The following TSPAN33 variants were observed in gnomAD, a reference collection of about 807,000 sequenced individuals.
The protein encoded by TSPAN33 is tetraspanin-33.
Under a neutral mutation model 34.8 loss-of-function variants are expected in TSPAN33, and 27 were observed. That is an observed-to-expected ratio of 0.78 (90% CI 0.57 to 1.07). TSPAN33 has a LOEUF of 1.07. Ranked by LOEUF, TSPAN33 falls within the 50% of genes least tolerant of loss-of-function variation. The pLI, the probability that TSPAN33 is intolerant of heterozygous loss-of-function variation, is 0.00. For synonymous variants in TSPAN33, 119 were observed against 124.2 expected (o/e 0.96, Z 0.28); for missense variants, 272 against 324.9 (o/e 0.84, Z 1.25).
At position 129,167,003 on chromosome 7, in the gene TSPAN33, A is replaced by C; in HGVS notation, c.588+97A>C. 2 of 1,430,328 alleles carry C rather than the reference A, an allele frequency of 1.4e-6. No individual in the cohort carries two copies. Among genetic ancestry groups the C allele is most frequent in the South Asian group, 2.6e-5 (2 of 76,382 alleles). The allele number at this position is 1,430,328 out of a possible 1,614,324, so 88.6% of individuals were successfully genotyped here. ...CTGGGGATCCCCATCCCCTAGCTTC[A>C]CCGATCAGTCATGTGGGACAGCTGT... On this transcript the variant is annotated intron_variant, in intron 6 of 7. Transcript: ENST00000486685. The surrounding 1 kb of genome is among the most constrained non-coding windows in gnomAD (Gnocchi z 4.6).
chr7:129,163,118 T>C (rs1367523953), intron 4 of TSPAN33, among the ~76,000 whole-genome samples: 1 of 152,206 alleles, frequency 6.6e-6, no homozygotes, highest in East Asian at 1.9e-4. Context: ...TCTGACAGTC[T>C]GAGAAGCTAA....
Position 129,167,885 on chromosome 7 carries a change from T to G in TSPAN33, c.*11T>G. ...GACCCATGGTACTGAGAATCCATCC[T>G]GCACCTCCTCACCATGGAAACTGGC... On this transcript the variant is annotated 3_prime_UTR_variant, in exon 8 of 8. Transcript: ENST00000486685. The surrounding 1 kb of genome is among the most constrained non-coding windows in gnomAD (Gnocchi z 4.6). 1 of 1,613,458 alleles carries G rather than the reference T, an allele frequency of 6.2e-7. No homozygotes were observed. Among genetic ancestry groups the G allele is most frequent in the Non-Finnish European group, 8.5e-7 (1 of 1,179,798 alleles).
At chr7:129,161,765 C>G (rs545296868) in intron 2 of TSPAN33, 29 bp downstream of exon 2, 4 of 1,613,662 alleles carry the variant, frequency 2.5e-6, no homozygotes, top group African/African-American at 1.3e-5. Flanking sequence ...TCCCTGCCCC[C>G]ACCTTGTGCC....
rs557328153 is a variant in TSPAN33 at position 129,167,056 on chromosome 7, T to G, written c.588+150T>G. On this transcript the variant is annotated intron_variant, in intron 6 of 7. Transcript: ENST00000486685. The surrounding 1 kb of genome is among the most constrained non-coding windows in gnomAD (Gnocchi z 4.6). The stretch of plus-strand genomic sequence containing the variant: ...GGTGTTTTTCTTCACCCCAACCTGA[T>G]GCTTCTATTAACCTCATACTCATGT... 250 of 939,570 alleles carry G rather than the reference T, an allele frequency of 2.7e-4. No individual in the cohort carries two copies. The highest frequency in any genetic ancestry group is 3.6e-4 in the Non-Finnish European group (221 of 621,546). The allele number at this position is 939,570 out of a possible 1,614,324, so 58.2% of individuals were successfully genotyped here.
intron 2 of TSPAN33, 104 bp downstream of exon 2, chr7:129,161,840 G>A: frequency 6.9e-7 from 1 of 1,457,786 alleles, no homozygotes. Flanking sequence ...GCTAAAGGAG[G>A]CAGCCTCCCT....
At position 129,169,372 on chromosome 7, in the gene TSPAN33, C is replaced by T. The variant is rs1240757711; in HGVS notation, c.*1498C>T. 1.3e-5 allele frequency: 2 copies of T among 152,288 alleles called. No individual in the cohort carries two copies. Among genetic ancestry groups the T allele is most frequent in the South Asian group, 2.1e-4 (1 of 4,832 alleles). 9.4% of individuals were successfully genotyped at this position (152,288 alleles called of 1,614,324 possible). ...GGGTGGTCCCCGCCCCCGCGGCGGCCTAGGCCCGCGCCTGCGTCCCCCAAC... is the reference window on the plus strand; with the variant it reads ...GGGTGGTCCCCGCCCCCGCGGCGGCTTAGGCCCGCGCCTGCGTCCCCCAAC... On this transcript the variant is annotated 3_prime_UTR_variant, in exon 8 of 8. Transcript: ENST00000486685.
chr7:129,158,874 C>G (rs536536777), intron 1 of TSPAN33, among the ~76,000 whole-genome samples: 19 of 152,156 alleles, frequency 1.2e-4, no homozygotes, highest in African/African-American at 4.3e-4. Context: ...CCTCAGCCTC[C>G]TAAGTAGCTG....
intron 4 of TSPAN33, 145 bp downstream of exon 4, chr7:129,163,052 A>G (rs112105360): frequency 1.2e-5 from 8 of 695,304 alleles, no homozygotes; most frequent in Non-Finnish European, 1.9e-5. Flanking sequence ...GGGTGAATGA[A>G]TAGCCTGTAA....
rs1028124506 is a variant in TSPAN33 at position 129,148,574 on chromosome 7, A to C, written c.102+3492A>C. ...CACTGGCCTGTCAAGATGCAGCTCA[A>C]CCTGGGGTCCTTGAGCACTCTTGGT... On this transcript the variant is annotated intron_variant, in intron 1 of 7. Transcript: ENST00000486685. This position sits in a 1 kb window ranked among gnomAD's most constrained non-coding sequence, Gnocchi z 4.2. 1.5e-4 allele frequency among the ~76,000 whole-genome samples: 23 copies of C among 152,100 alleles called. 1 individual carries two copies. The highest frequency in any genetic ancestry group is 1.4e-3 in the Admixed American group (21 of 15,274).
intron 4 of TSPAN33, among the ~76,000 whole-genome samples, chr7:129,164,101 G>T (rs370411295): frequency 6.6e-6 from 1 of 152,294 alleles, no homozygotes; most frequent in East Asian, 1.9e-4. Flanking sequence ...CAATTATCTA[G>T]TGTCCACTAG....
chr7:129,158,456 TGTTA>T (rs1434074418), intron 1 of TSPAN33, among the ~76,000 whole-genome samples: 2 of 152,204 alleles, frequency 1.3e-5, no homozygotes, highest in East Asian at 3.8e-4. Flanking sequence ...TGTGCAGGTT[TGTTA>T]TATAGGTAAA....
At chr7:129,162,591 C>T in intron 3 of TSPAN33, 70 bp downstream of exon 3, 1 of 1,590,596 alleles carries the variant, frequency 6.3e-7, no homozygotes, top group Non-Finnish European at 8.5e-7. Flanking sequence ...CTCCCACGGC[C>T]CTTTGGTTGC....
intron 1 of TSPAN33, among the ~76,000 whole-genome samples, chr7:129,151,122 ATTTG>A (rs1239356893): frequency 1.3e-5 from 2 of 151,702 alleles, no homozygotes; most frequent in Non-Finnish European, 2.9e-5. Flanking sequence ...TTACGTATTT[ATTTG>A]TTTATTTGTT....
Position 129,165,122 on chromosome 7 carries a change from CATCA to C in TSPAN33, c.459+555_459+558del, listed in dbSNP as rs1248194570. The stretch of plus-strand genomic sequence containing the variant: ...TCTGCCCCAGATGAAACTCTGTATC[CATCA>C]AACACTAACTCCCCATTTCCTCTCT... On this transcript the variant is annotated intron_variant, in intron 5 of 7. Coordinates refer to ENST00000486685, the MANE Select transcript of TSPAN33 (RefSeq NM_178562.5). This position sits in a 1 kb window ranked among gnomAD's most constrained non-coding sequence, Gnocchi z 4.5. Among the ~76,000 whole-genome samples the C allele has an allele frequency of 6.6e-6, 1 of 152,186 alleles. No homozygotes were observed. The highest frequency in any genetic ancestry group is 3.2e-3 in the Middle Eastern group (1 of 316).
chr7:129,160,875 A>G (rs1793037960), intron 1 of TSPAN33, among the ~76,000 whole-genome samples: 1 of 152,254 alleles, frequency 6.6e-6, no homozygotes, highest in Admixed American at 6.5e-5. Context: ...GGGCAAGTTA[A>G]CTATTAATAA....
In TSPAN33 at chr7:129,167,468, T is replaced by C. The variant is rs1456734889; in HGVS notation, c.658T>C (p.Tyr220His). 6.2e-7 allele frequency: 1 copy of C among 1,614,254 alleles called. No individual in the cohort carries two copies. Among genetic ancestry groups the C allele is most frequent in the South Asian group, 1.1e-5 (1 of 91,088 alleles). The change falls in exon 7 of 8, where the codon TAC (tyrosine) becomes CAC (histidine). Residue 220 changes from tyrosine (Y) to histidine (H), a missense_variant. By Grantham distance (83) the Tyr-to-His change is moderately conservative (BLOSUM62 2). Transcript: ENST00000486685. The surrounding 1 kb of genome is among the most constrained non-coding windows in gnomAD (Gnocchi z 4.6). ...CTACTTGGAAGCTAGCAAAGTCATC[T>C]ACACCAATGGCTGTATTGACAAGTT... ...FDYLEASKVI[Y>H]TNGCIDKLVN...
In TSPAN33 at chr7:129,144,729, T is replaced by G. The variant is rs1304769890; in HGVS notation, c.-252T>G. ...TTCCTGGGCGCCTGGCTGGCCGGGC[T>G]GGTCCTGCGGCCGCGGGTGAGTCTC... On this transcript the variant is annotated 5_prime_UTR_variant, in exon 1 of 8. Transcript: ENST00000486685. Among the ~76,000 whole-genome samples, 1 of 151,678 alleles carries G rather than the reference T, an allele frequency of 6.6e-6. No homozygotes were observed. The highest frequency in any genetic ancestry group is 2.4e-5 in the African/African-American group (1 of 41,364).
chr7:129,161,846 TC>T, intron 2 of TSPAN33, 110 bp downstream of exon 2: 2 of 1,369,526 alleles, frequency 1.5e-6, no homozygotes, highest in South Asian at 2.4e-5. Context: ...GGAGGCAGCC[TC>T]CCTGGAGCCA....
rs1240734536 is a variant in TSPAN33 at position 129,165,331 on chromosome 7, C to T, written c.459+762C>T. 2.0e-5 allele frequency among the ~76,000 whole-genome samples: 3 copies of T among 152,232 alleles called. No individual in the cohort carries two copies. The highest frequency in any genetic ancestry group is 4.4e-5 in the Non-Finnish European group (3 of 68,038). On this transcript the variant is annotated intron_variant, in intron 5 of 7. Transcript: ENST00000486685. The surrounding 1 kb of genome is among the most constrained non-coding windows in gnomAD (Gnocchi z 4.5). ...AACACTAAAGCCCCATTTTCCTCTC[C>T]TCCAGCAACCACCATTCTACTTTCT...
Sources: allele counts gnomAD v4.1 joint callset (sites outside exome capture counted in the v4.1 genomes callset), GRCh38; gene constraint gnomAD v4.1.1; non-coding constraint Gnocchi (gnomAD v3.1); transcripts MANE v1.5; gene names NCBI Gene and HGNC (gene_info 2026-07-23, HGNC 2026-07-21).